Variants in DMD observed in about 807,000 individuals in gnomAD.
DMD encodes the protein dystrophin.
DMD carries 63 observed loss-of-function variants against 330.1 expected under a neutral mutation model. The ratio of observed to expected loss-of-function variants is 0.19; its 90% CI spans 0.16 to 0.24. DMD has a LOEUF of 0.24. DMD is among the 10% of genes least tolerant of loss of function. The pLI, the probability that DMD is intolerant of heterozygous loss-of-function variation, is 1.00. For missense variants in DMD, 3,344 were observed against 2,684.1 expected, an observed-to-expected ratio of 1.25 and a Z score of -5.43; for synonymous variants, 1,223 against 959.8, an observed-to-expected ratio of 1.27 and a Z score of -5.07.
At chrX:31,374,525 A>G (rs1384635881) in intron 60 of DMD, among the ~76,000 whole-genome samples, 1 of 108,532 alleles carries the variant, frequency 9.2e-6, no homozygotes, top group African/African-American at 3.4e-5. Context: ...CTTTGTAGGG[A>G]CATGGATGAA....
chrX:32,960,919 A>T (rs1334583651), intron 2 of DMD, among the ~76,000 whole-genome samples: 1 of 63,575 alleles, frequency 1.6e-5, no homozygotes, highest in Non-Finnish European at 2.6e-5. Context: ...CCATTTGTAA[A>T]AAAAAAAAAA....
At chrX:32,472,017 T>C in intron 22 of DMD, 147 bp downstream of exon 22, 1 of 658,015 alleles carries the variant, frequency 1.5e-6, no homozygotes, top group Non-Finnish European at 2.4e-6. Flanking sequence ...GCATAAATAA[T>C]ACTGTAAAGT....
chrX:32,166,778 C>A (rs1603627504), intron 44 of DMD, among the ~76,000 whole-genome samples: 1 of 111,456 alleles, frequency 9.0e-6, no homozygotes, highest in Admixed American at 9.6e-5. Context: ...AAATACAAGT[C>A]TGACAAAATC....
intron 56 of DMD, among the ~76,000 whole-genome samples, chrX:31,504,319 G>A (rs1569547789): frequency 9.0e-6 from 1 of 111,709 alleles, no homozygotes; most frequent in Non-Finnish European, 1.9e-5. Flanking sequence ...TCTCTTATGA[G>A]CCAATGGAAT....
At chrX:33,192,262 G>A (rs1162939446) in intron 1 of DMD, among the ~76,000 whole-genome samples, 2 of 111,771 alleles carry the variant, frequency 1.8e-5, no homozygotes, top group Middle Eastern at 4.7e-3. Flanking sequence ...TACTCTATGA[G>A]CAGATTCATT....
At chrX:32,099,120 A>C in intron 44 of DMD, among the ~76,000 whole-genome samples, 1 of 111,706 alleles carries the variant, frequency 9.0e-6, no homozygotes, top group Non-Finnish European at 1.9e-5. Flanking sequence ...CCAACAGTGT[A>C]AAAGTGTTCC....
At chrX:31,204,195 AT>A (rs2043820425) in intron 66 of DMD, 77 bp from the exon 67 acceptor site, 1 of 914,339 alleles carries the variant, frequency 1.1e-6, no homozygotes, top group Admixed American at 2.4e-5. Flanking sequence ...ATCCAACTCA[AT>A]TCCAGTAGCA....
At chrX:33,222,041 C>T (rs1441260789) in intron 1 of DMD, among the ~76,000 whole-genome samples, 1 of 111,756 alleles carries the variant, frequency 8.9e-6, no homozygotes, top group African/African-American at 3.2e-5. Context: ...GGGAAGAAAA[C>T]AATTCTGAGT....
chrX:31,937,711 A>G (rs2094941405), intron 45 of DMD, among the ~76,000 whole-genome samples: 1 of 112,147 alleles, frequency 8.9e-6, no homozygotes, highest in African/African-American at 3.2e-5. Context: ...GTCTCTTGAC[A>G]GAACAGTTTA....
chrX:32,082,420 CT>C (rs1356583620), intron 44 of DMD, among the ~76,000 whole-genome samples: 1 of 109,260 alleles, frequency 9.2e-6, no homozygotes, highest in African/African-American at 3.3e-5. Flanking sequence ...ATCTATCTAT[CT>C]ATCTATCTAT....
intron 11 of DMD, among the ~76,000 whole-genome samples, chrX:32,618,540 A>C (rs190595320): frequency 1.8e-5 from 2 of 111,329 alleles, no homozygotes; most frequent in South Asian, 3.8e-4. Flanking sequence ...GGAAAGAATT[A>C]GGAAAAAATA....
chrX:31,225,651 T>G (rs1366039445), intron 63 of DMD, among the ~76,000 whole-genome samples: 2 of 111,819 alleles, frequency 1.8e-5, no homozygotes, highest in African/African-American at 6.5e-5. Flanking sequence ...CTGGAGTGGA[T>G]AGTTTAAAGA....
chrX:31,645,493 C>T (rs57221533), intron 54 of DMD, among the ~76,000 whole-genome samples: 2,733 of 112,120 alleles, frequency 0.024, 93 homozygotes, highest in African/African-American at 0.084. Context: ...TCAAAATTCA[C>T]GTAACACAAA....
At chrX:33,149,267 T>C (rs762954697) in intron 1 of DMD, among the ~76,000 whole-genome samples, 1 of 111,728 alleles carries the variant, frequency 9.0e-6, no homozygotes, top group South Asian at 3.8e-4. Flanking sequence ...CTAGATTGCC[T>C]GATACTCCTC....
chrX:32,081,177 T>A (rs985982285), intron 44 of DMD, among the ~76,000 whole-genome samples: 58 of 112,244 alleles, frequency 5.2e-4, no homozygotes, highest in East Asian at 5.7e-4. Context: ...GTGAGACATA[T>A]GATGTTCCAT....
chrX:32,358,438 G>A (rs947044967), intron 37 of DMD, among the ~76,000 whole-genome samples: 2 of 110,668 alleles, frequency 1.8e-5, no homozygotes, highest in Non-Finnish European at 3.8e-5. Context: ...ATTTACTCAG[G>A]GTTCTAATAT....
chrX:31,449,762 TGATATA>T lies in DMD; in HGVS notation c.8938-5141_8938-5136del, dbSNP rs1253402533. On this transcript the variant is annotated intron_variant, in intron 59 of 78. Transcript: ENST00000357033. ...CTTATGAGTTTATTTATAAATGGTG[TGATATA>T]TATATATATATATATATATATATAT... Among the ~76,000 whole-genome samples the T allele has an allele frequency of 8.4e-3, 421 of 49,868 alleles. 1 individual carries two copies. The highest frequency in any genetic ancestry group is 0.013 in the Non-Finnish European group (348 of 26,243). 43.3% of individuals were successfully genotyped at this position (49,868 alleles called of 115,157 possible).
rs1171525152 is a variant in DMD, at chrX:32,407,594, A to C, written c.4233+4158T>G. On this transcript the variant is annotated intron_variant, in intron 30 of 78. Coordinates refer to ENST00000357033, the MANE Select transcript of DMD (RefSeq NM_004006.3). Reference sequence around the variant, plus strand: ...TCCTCAGGGATCTAGAACTAGAAATACCATTTGACCCAGCCATCCCGTTAC... The same window carrying C: ...TCCTCAGGGATCTAGAACTAGAAATCCCATTTGACCCAGCCATCCCGTTAC... Among the ~76,000 whole-genome samples the C allele has an allele frequency of 5.4e-5, 6 of 110,748 alleles. No homozygotes were observed. The East Asian group carries it at 1.7e-3, about 32-fold the overall frequency.
chrX:31,557,296 C>T (rs1257287107), intron 55 of DMD, among the ~76,000 whole-genome samples: 1 of 111,194 alleles, frequency 9.0e-6, no homozygotes, highest in Non-Finnish European at 1.9e-5. Flanking sequence ...GCTCATGTGG[C>T]CTGTAAACTC....
Sources: gnomAD v4.1 joint callset for allele counts (sites outside exome capture counted in the v4.1 genomes callset) on GRCh38, gnomAD v4.1.1 for gene constraint, MANE v1.5 for transcripts, NCBI Gene and HGNC (gene_info 2026-07-23, HGNC 2026-07-21) for gene names.